The following CFAP221 variants were observed in gnomAD, a reference collection of about 807,000 sequenced individuals.
The protein encoded by CFAP221 is cilia- and flagella-associated protein 221.
CFAP221 carries 97 observed loss-of-function variants against 113.1 expected under a neutral mutation model. The ratio of observed to expected loss-of-function variants is 0.86; its 90% confidence interval spans 0.73 to 1.02. The LOEUF (loss-of-function observed/expected upper bound fraction) is 1.02. CFAP221 is among the 50% of genes least tolerant of loss of function. The pLI, the probability that CFAP221 is intolerant of heterozygous loss-of-function variation, is 0.00. For synonymous variants in CFAP221, 331 were observed against 354.4 expected (o/e 0.93, Z 0.74); for missense variants, 1,025 against 1,013.4 (o/e 1.01, Z -0.16).
chr2:119,640,871 C>T (rs1687443032), intron 21 of CFAP221, among the ~76,000 whole-genome samples: 1 of 152,234 alleles, frequency 6.6e-6, no homozygotes, highest in African/African-American at 2.4e-5. Flanking sequence ...AGCCATGCCC[C>T]TTGGCCAACT....
chr2:119,558,179 G>A (rs1158820254), intron 3 of CFAP221, among the ~76,000 whole-genome samples: 2 of 152,160 alleles, frequency 1.3e-5, no homozygotes, highest in African/African-American at 4.8e-5. Context: ...CCAATGAGAA[G>A]CATGGGGACA....
chr2:119,558,199 G>C (rs1039363864), intron 3 of CFAP221, among the ~76,000 whole-genome samples: 1 of 152,164 alleles, frequency 6.6e-6, no homozygotes, highest in Non-Finnish European at 1.5e-5. Context: ...AAAGCTCTTT[G>C]TTAAGATTCC....
In CFAP221 at chr2:119,638,262, C is replaced by A; in HGVS notation, c.1978C>A (p.Pro660Thr). 1 of 1,614,042 alleles carries A rather than the reference C, an allele frequency of 6.2e-7. No homozygotes were observed. The highest frequency in any genetic ancestry group is 8.5e-7 in the Non-Finnish European group (1 of 1,179,926). ...LDYDPLYVFN[P>T]NPGLFAVMHP... ...ATTTTTTCCCTGTCTTCGGCAGAAT[C>A]CCAACCCAGGATTATTTGCTGTAAT... is the stretch of plus-strand genomic sequence containing the variant. The change falls in exon 20 of 24, where the codon CCC (proline) becomes ACC (threonine). Residue 660 changes from proline to threonine, a missense_variant. Coordinates refer to ENST00000413369, the MANE Select transcript of CFAP221 (RefSeq NM_001271049.2).
intron 10 of CFAP221, 65 bp downstream of exon 10, chr2:119,605,052 ACT>A: frequency 6.6e-7 from 1 of 1,522,980 alleles, no homozygotes; most frequent in Middle Eastern, 1.7e-4. Flanking sequence ...TGCTGGTCAC[ACT>A]GATTACCTAT....
At chr2:119,628,986 TG>T (rs1417830087) in intron 16 of CFAP221, among the ~76,000 whole-genome samples, 1 of 152,248 alleles carries the variant, frequency 6.6e-6, no homozygotes, top group Non-Finnish European at 1.5e-5. Context: ...AAGACTTCTC[TG>T]CTGCTCAGGG....
chr2:119,573,843 T>C (rs1156637656), intron 6 of CFAP221, among the ~76,000 whole-genome samples: 1 of 152,252 alleles, frequency 6.6e-6, no homozygotes, highest in Non-Finnish European at 1.5e-5. Context: ...CTTTTATGAA[T>C]TTTAGCAAGA....
rs1210211423 is a variant in CFAP221 at position 119,562,050 on chromosome 2, C to T, written c.463C>T (p.Pro155Ser). ...DTLLVPIHAY[P>S]VMNSLDFPSF... Reference sequence around the variant, plus strand: ...TTTGCTTGTTCCTATTCATGCCTATCCAGTCATGAACTCACTAGACTTTCC... The same window carrying T: ...TTTGCTTGTTCCTATTCATGCCTATTCAGTCATGAACTCACTAGACTTTCC... Residue 155 changes from proline to serine, a missense_variant, in exon 6 of 24, where the codon CCA (proline) becomes TCA (serine). By Grantham distance (74) the Pro-to-Ser change is moderately conservative. Coordinates refer to ENST00000413369, the MANE Select transcript of CFAP221 (RefSeq NM_001271049.2). 21 of 1,535,094 alleles carry T rather than the reference C, an allele frequency of 1.4e-5. No homozygotes were observed. The highest frequency in any genetic ancestry group is 1.8e-5 in the Non-Finnish European group (21 of 1,146,406).
At position 119,559,728 on chromosome 2, in the gene CFAP221, A is replaced by G. The variant is rs1026680525; in HGVS notation, c.280A>G (p.Ile94Val). Reference sequence around the variant, plus strand: ...TTCCAATGAAGACACACGTGTTCATATTTTACCCCCGCAAACCAAATACTT... The same window carrying G: ...TTCCAATGAAGACACACGTGTTCATGTTTTACCCCCGCAAACCAAATACTT... The part of the protein sequence containing the change: ...NVSNEDTRVH[I>V]LPPQTKYFEI... Residue 94 changes from isoleucine to valine, a missense_variant, in exon 4 of 24, where the codon ATT becomes GTT. Ile to Val is a conservative substitution (Grantham distance 29). Transcript: ENST00000413369. The G allele has an allele frequency of 6.5e-7, 1 of 1,533,014 alleles. No individual in the cohort carries two copies. The highest frequency in any genetic ancestry group is 2.0e-5 in the Admixed American group (1 of 50,954). 95.0% of individuals were successfully genotyped at this position (1,533,014 alleles called of 1,614,324 possible).
At chr2:119,628,292 GGGGTGTGTGTGTGTGTGT>G (rs1686501081) in intron 16 of CFAP221, among the ~76,000 whole-genome samples, 1 of 12,050 alleles carries the variant, frequency 8.3e-5, no homozygotes, top group Admixed American at 1.2e-3. Context: ...CTCTCTCTGG[GGGGTGTGTGTGTGTGTGT>G]GTGTGTGTGT....
Position 119,644,385 on chromosome 2 carries a change from C to T in CFAP221, c.2226-2573C>T, listed in dbSNP as rs115208584. ...CTAGACCAGCCTGGTCCCTGGCGAGCGGCCCAGACCCTGAACTTCTCAGTC... is the reference window on the plus strand; with the variant it reads ...CTAGACCAGCCTGGTCCCTGGCGAGTGGCCCAGACCCTGAACTTCTCAGTC... On this transcript the variant is annotated intron_variant, in intron 21 of 23. Transcript: ENST00000413369. 4.0e-3 allele frequency among the ~76,000 whole-genome samples: 614 copies of T among 152,258 alleles called. 3 individuals are homozygous for T. Among genetic ancestry groups the T allele is most frequent in the African/African-American group, 0.012 (508 of 41,548 alleles).
chr2:119,546,189 A>G lies in CFAP221; in HGVS notation c.58A>G (p.Asn20Asp). 2 of 1,535,980 alleles carry G rather than the reference A, an allele frequency of 1.3e-6. No individual in the cohort carries two copies. Among genetic ancestry groups the G allele is most frequent in the Non-Finnish European group, 1.7e-6 (2 of 1,146,842 alleles). The change falls in exon 2 of 24, where the codon AAT (asparagine) becomes GAT (aspartate). Residue 20 changes from asparagine (N) to aspartate (D), a missense_variant. Coordinates refer to ENST00000413369, the MANE Select transcript of CFAP221 (RefSeq NM_001271049.2). ...GLKNAKEPFN[N>D]ASPHLLKNLV... ...AAAGAATGCTAAAGAACCCTTTAAT[A>G]ATGCATCACCCCATCTCTTGAAGAA...
rs929370278 is a variant in CFAP221 at position 119,627,884 on chromosome 2, T to C, written c.1650+98T>C. The C allele has an allele frequency of 2.5e-5, 36 of 1,468,380 alleles. No individual in the cohort carries two copies. The Admixed American group carries it at 6.6e-4, about 27-fold the overall frequency. The allele number at this position is 1,468,380 out of a possible 1,614,324, so 91.0% of individuals were successfully genotyped here. ...CTACCTCAGTCTCAGTCCCTTCACC[T>C]CCTCCCAGAGGCTCCAAAGGAAGAT... On this transcript the variant is annotated intron_variant, in intron 16 of 23. Transcript: ENST00000413369.
chr2:119,591,822 C>T (rs180985482), intron 7 of CFAP221, among the ~76,000 whole-genome samples: 6 of 152,196 alleles, frequency 3.9e-5, no homozygotes, highest in Admixed American at 6.5e-5. Context: ...CTTTCGTGAT[C>T]GACAGCAGGC....
chr2:119,625,912 T>C, intron 15 of CFAP221: 2 of 531,656 alleles, frequency 3.8e-6, no homozygotes, highest in Non-Finnish European at 3.4e-6. Context: ...TGGCTGAATA[T>C]GGTATTTTCT....
At position 119,564,527 on chromosome 2, in the gene CFAP221, C is replaced by T. The variant is rs906479298; in HGVS notation, c.527+2413C>T. ...TCTTCTGAATCTTGTAATAACCATTCCCTGGGTTTACTTTAGTAGTTTTGA... is the reference window on the plus strand; with the variant it reads ...TCTTCTGAATCTTGTAATAACCATTTCCTGGGTTTACTTTAGTAGTTTTGA... On this transcript the variant is annotated intron_variant, in intron 6 of 23. Transcript: ENST00000413369. Among the ~76,000 whole-genome samples the T allele has an allele frequency of 4.6e-5, 7 of 152,258 alleles. No homozygotes were observed. In the South Asian group the frequency reaches 8.3e-4, roughly 18 times the overall value.
At chr2:119,647,071 C>G in intron 22 of CFAP221, 21 bp downstream of exon 22, 1 of 1,553,532 alleles carries the variant, frequency 6.4e-7, no homozygotes, top group East Asian at 2.3e-5. Flanking sequence ...TTTTTTTAAT[C>G]TTTGGCCTCT....
At chr2:119,565,507 A>G (rs147380765) in intron 6 of CFAP221, among the ~76,000 whole-genome samples, 2 of 152,310 alleles carry the variant, frequency 1.3e-5, no homozygotes, top group African/African-American at 4.8e-5. Context: ...TGCAGACATC[A>G]TCCTTGGGCT....
chr2:119,566,304 C>T (rs1681620571), intron 6 of CFAP221, among the ~76,000 whole-genome samples: 1 of 152,144 alleles, frequency 6.6e-6, no homozygotes, highest in Non-Finnish European at 1.5e-5. Flanking sequence ...TGCATGTTAC[C>T]ATGCACTAAC....
intron 7 of CFAP221, among the ~76,000 whole-genome samples, chr2:119,597,191 C>T (rs1209373784): frequency 1.3e-5 from 2 of 152,210 alleles, no homozygotes; most frequent in Non-Finnish European, 2.9e-5. Context: ...ATTATTTTCT[C>T]CTTTAAGCCT....
Sources: gnomAD v4.1 joint callset for allele counts (sites outside exome capture counted in the v4.1 genomes callset) on GRCh38, gnomAD v4.1.1 for gene constraint, MANE v1.5 for transcripts, NCBI Gene and HGNC (gene_info 2026-07-23, HGNC 2026-07-21) for gene names.